The following DOCK1 variants were observed in gnomAD, a reference collection of about 807,000 sequenced individuals.
DOCK1 encodes dedicator of cytokinesis 1, also known as dedicator of cytokinesis protein 1.
A neutral mutation model predicts 262.7 loss-of-function variants in DOCK1; 138 were observed. The observed-to-expected ratio is 0.53, with a 90% confidence interval of 0.46 to 0.61. DOCK1 has a LOEUF of 0.61. Among genes scored for constraint, DOCK1 ranks in the 20% least tolerant of loss-of-function variants. The probability of loss-of-function intolerance (pLI) is 0.00; values close to 1 mark genes in which losing one functional copy is unlikely to be tolerated. For missense variants in DOCK1, 1,908 were observed against 2,370.7 expected, an observed-to-expected ratio of 0.80 and a Z score of 4.05; for synonymous variants, 866 against 867.4, an observed-to-expected ratio of 1.00 and a Z score of 0.03.
At chr10:127,149,409 C>T (rs1478775340) in intron 27 of DOCK1, among the ~76,000 whole-genome samples, 2 of 152,186 alleles carry the variant, frequency 1.3e-5, no homozygotes, top group East Asian at 3.8e-4. Flanking sequence ...TGATGCTTTT[C>T]CCTAGTCCTC....
At position 126,990,481 on chromosome 10, in the gene DOCK1, T is replaced by C; in HGVS notation, c.351T>C (p.Ser117=). Residue 117 remains serine, a synonymous_variant, in exon 6 of 52, where the codon AGT becomes AGC. Coordinates refer to ENST00000623213, the MANE Select transcript of DOCK1 (RefSeq NM_001290223.2). ...AAGATAACAGGGAGATGTTTCGAAG[T>C]GTGCGGCACATGATCTATGACCTTA... The part of the protein sequence containing the change: ...YVQDNREMFR[S]VRHMIYDLIE... The C allele has an allele frequency of 6.2e-7, 1 of 1,611,962 alleles. No individual in the cohort carries two copies. The highest frequency in any genetic ancestry group is 8.5e-7 in the Non-Finnish European group (1 of 1,179,040).
intron 38 of DOCK1, among the ~76,000 whole-genome samples, chr10:127,393,043 A>G (rs2066588631): frequency 6.6e-6 from 1 of 152,158 alleles, no homozygotes. Context: ...GCATCCACAG[A>G]ACTTACCGAC....
rs755543710 is a variant in DOCK1, at chr10:127,176,337, G to A, written c.2847+48573G>A. ...CATCTCCAGGGCCAGGCAGGCGGCG[G>A]GTTCCACTTCACTCTCCGACGTTGT... On this transcript the variant is annotated intron_variant, in intron 27 of 51. Coordinates refer to ENST00000623213, the MANE Select transcript of DOCK1 (RefSeq NM_001290223.2). This position sits in a 1 kb window ranked among gnomAD's most constrained non-coding sequence, Gnocchi z 4.4. 6.2e-6 allele frequency: 10 copies of A among 1,613,776 alleles called. No homozygotes were observed. Among genetic ancestry groups the A allele is most frequent in the Non-Finnish European group, 8.5e-6 (10 of 1,179,990 alleles).
chr10:127,221,226 G>A (rs2058424691), intron 27 of DOCK1, among the ~76,000 whole-genome samples: 1 of 152,178 alleles, frequency 6.6e-6, no homozygotes, highest in Non-Finnish European at 1.5e-5. Context: ...TCGTAAAAAT[G>A]GAGGAGCATT....
intron 35 of DOCK1, among the ~76,000 whole-genome samples, chr10:127,378,087 C>T (rs2065614985): frequency 6.6e-6 from 1 of 152,108 alleles, no homozygotes; most frequent in African/African-American, 2.4e-5. Context: ...TTATTGGTCA[C>T]TAATGTTGCT....
intron 27 of DOCK1, among the ~76,000 whole-genome samples, chr10:127,213,002 C>G (rs1390580291): frequency 6.6e-6 from 1 of 152,204 alleles, no homozygotes; most frequent in African/African-American, 2.4e-5. Flanking sequence ...GAAGTCAAAG[C>G]TAATTAATCA....
intron 1 of DOCK1, among the ~76,000 whole-genome samples, chr10:126,914,992 G>C (rs1048561311): frequency 6.6e-6 from 1 of 152,156 alleles, no homozygotes; most frequent in Non-Finnish European, 1.5e-5. Flanking sequence ...CTGGTCTGGG[G>C]GTGGTGCCCA....
intron 29 of DOCK1, among the ~76,000 whole-genome samples, chr10:127,304,789 G>T (rs151196223): frequency 6.6e-6 from 1 of 152,144 alleles, no homozygotes; most frequent in Non-Finnish European, 1.5e-5. Context: ...GGCTGAAGTG[G>T]GAGAGTCACT....
intron 46 of DOCK1, among the ~76,000 whole-genome samples, chr10:127,425,594 A>G (rs1326566662): frequency 3.3e-5 from 5 of 152,176 alleles, no homozygotes; most frequent in Admixed American, 6.5e-5. Flanking sequence ...GCTCTTCCCA[A>G]ACTCAAGTGA....
At chr10:127,199,008 G>A (rs2057338951) in intron 27 of DOCK1, among the ~76,000 whole-genome samples, 1 of 151,530 alleles carries the variant, frequency 6.6e-6, no homozygotes, top group African/African-American at 2.4e-5. Context: ...TAGATGGGAT[G>A]TAGGCATATT....
chr10:127,182,137 A>G (rs1203454051), intron 27 of DOCK1, among the ~76,000 whole-genome samples: 1 of 152,086 alleles, frequency 6.6e-6, no homozygotes, highest in Non-Finnish European at 1.5e-5. Context: ...CTCGATGTGT[A>G]GAATATTGCA....
At chr10:127,277,613 A>G (rs1207865110) in intron 29 of DOCK1, among the ~76,000 whole-genome samples, 1 of 152,200 alleles carries the variant, frequency 6.6e-6, no homozygotes, top group East Asian at 1.9e-4. Flanking sequence ...ACAAAAAATT[A>G]TTAGCTGGGT....
chr10:126,983,053 A>G (rs1244837111), intron 4 of DOCK1, among the ~76,000 whole-genome samples: 3 of 152,242 alleles, frequency 2.0e-5, no homozygotes, highest in East Asian at 3.8e-4. Flanking sequence ...GTAGAGTCAC[A>G]CCTAACCAGA....
intron 27 of DOCK1, among the ~76,000 whole-genome samples, chr10:127,179,273 A>G (rs1323926023): frequency 6.6e-6 from 1 of 152,208 alleles, no homozygotes; most frequent in Non-Finnish European, 1.5e-5. Flanking sequence ...AACAAATCAG[A>G]AGAATTAATT....
chr10:127,253,832 G>A (rs1387751933), intron 28 of DOCK1, among the ~76,000 whole-genome samples: 1 of 139,812 alleles, frequency 7.2e-6, no homozygotes, highest in Non-Finnish European at 1.5e-5. Flanking sequence ...CTAAGATTAT[G>A]CCACTGCACT....
At chr10:127,024,603 C>A in intron 14 of DOCK1, 82 bp from the exon 15 acceptor site, 2 of 1,152,438 alleles carry the variant, frequency 1.7e-6, no homozygotes, top group Non-Finnish European at 2.5e-6. Flanking sequence ...GCGTACCTGT[C>A]CCCCCACATA....
At chr10:127,269,752 C>A (rs1457466412) in intron 29 of DOCK1, among the ~76,000 whole-genome samples, 1 of 152,172 alleles carries the variant, frequency 6.6e-6, no homozygotes, top group Non-Finnish European at 1.5e-5. Flanking sequence ...ATGAGTGGCT[C>A]CGGGCCCCCT....
At chr10:127,042,511 G>A (rs2044085378) in intron 19 of DOCK1, 114 bp from the exon 20 acceptor site, 1 of 914,272 alleles carries the variant, frequency 1.1e-6, no homozygotes, top group Non-Finnish European at 1.8e-6. Flanking sequence ...GGCTTTATAG[G>A]TAGTGCTGGG....
Position 127,110,682 on chromosome 10 carries a change from T to A in DOCK1, c.2623+328T>A, listed in dbSNP as rs1471189352. Among the ~76,000 whole-genome samples, 3 of 152,212 alleles carry A rather than the reference T, an allele frequency of 2.0e-5. No homozygotes were observed. The East Asian group carries it at 5.8e-4, about 29-fold the overall frequency. On this transcript the variant is annotated intron_variant, in intron 25 of 51. Coordinates refer to ENST00000623213, the MANE Select transcript of DOCK1 (RefSeq NM_001290223.2). ...CAATCACTTCGCTCCATTGTGATGATTGCAAGGAAAAGAATTCGAGTTTTC... is the reference window on the plus strand; with the variant it reads ...CAATCACTTCGCTCCATTGTGATGAATGCAAGGAAAAGAATTCGAGTTTTC...
Sources: gnomAD v4.1 joint callset for allele counts (sites outside exome capture counted in the v4.1 genomes callset) on GRCh38, gnomAD v4.1.1 for gene constraint, Gnocchi (gnomAD v3.1) non-coding constraint, MANE v1.5 for transcripts, NCBI Gene and HGNC (gene_info 2026-07-23, HGNC 2026-07-21) for gene names.